The following PDE1C variants were observed in gnomAD, a reference collection of about 807,000 sequenced individuals.
PDE1C encodes the protein dual specificity calcium/calmodulin-dependent 3',5'-cyclic nucleotide phosphodiesterase 1C.
PDE1C carries 62 observed loss-of-function variants against 93.1 expected under a neutral mutation model. The observed-to-expected ratio is 0.67, with a 90% CI of 0.54 to 0.82. The LOEUF is 0.82. Ranked by LOEUF, PDE1C falls within the 40% of genes least tolerant of loss-of-function variation. The pLI is 0.00. For synonymous variants in PDE1C, 325 were observed against 310.1 expected (o/e 1.05, Z -0.50); for missense variants, 742 against 884.6 (o/e 0.84, Z 2.04).
intron 3 of PDE1C, among the ~76,000 whole-genome samples, chr7:32,139,588 T>C (rs759428475): frequency 6.6e-6 from 1 of 151,632 alleles, no homozygotes; most frequent in South Asian, 2.1e-4. Context: ...AATCCAGGGG[T>C]TTTTCCAGGT....
intron 3 of PDE1C, among the ~76,000 whole-genome samples, chr7:32,106,359 T>C (rs759556402): frequency 8.5e-5 from 13 of 152,096 alleles, no homozygotes; most frequent in Admixed American, 2.0e-4. Context: ...ACTAGAGTTC[T>C]AGTGTCCTTC....
chr7:32,127,928 G>C (rs1178688195), intron 3 of PDE1C, among the ~76,000 whole-genome samples: 1 of 151,674 alleles, frequency 6.6e-6, no homozygotes, highest in Non-Finnish European at 1.5e-5. Context: ...AAAAAGAAAA[G>C]GACAGCAATG....
At chr7:32,057,399 G>C (rs1794263933) in intron 1 of PDE1C, among the ~76,000 whole-genome samples, 1 of 152,328 alleles carries the variant, frequency 6.6e-6, no homozygotes, top group African/African-American at 2.4e-5. Context: ...ATGTGTGTGT[G>C]TGCGTGCACT....
At chr7:31,929,053 A>G (rs1010785590) in intron 2 of PDE1C, among the ~76,000 whole-genome samples, 10 of 152,118 alleles carry the variant, frequency 6.6e-5, no homozygotes, top group Non-Finnish European at 1.2e-4. Flanking sequence ...TCATGTGCAA[A>G]GACACATATA....
chr7:31,643,757 G>A, the PDE1C span: 1 of 1,613,868 alleles, frequency 6.2e-7, no homozygotes, highest in Non-Finnish European at 8.5e-7. Context: ...TGCCCAATGG[G>A]CACCTGCCAT....
intron 16 of PDE1C, among the ~76,000 whole-genome samples, chr7:31,797,507 A>T (rs1475394416): frequency 6.6e-6 from 1 of 151,806 alleles, no homozygotes; most frequent in African/African-American, 2.4e-5. Context: ...ATTCATTACT[A>T]AAAACAGTTA....
intron 3 of PDE1C, among the ~76,000 whole-genome samples, chr7:32,088,507 C>A (rs1563302575): frequency 6.6e-6 from 1 of 152,234 alleles, no homozygotes; most frequent in East Asian, 1.9e-4. Context: ...CCAAGGCGGC[C>A]GGAGCCCTGC....
chr7:32,025,868 C>T (rs1789355650), intron 2 of PDE1C, among the ~76,000 whole-genome samples: 1 of 152,102 alleles, frequency 6.6e-6, no homozygotes, highest in Non-Finnish European at 1.5e-5. Context: ...GGAAGAGGAG[C>T]AGAGCACCTA....
In PDE1C at chr7:31,754,654, A is replaced by G. The variant is rs574108929; in HGVS notation, c.1961-1101T>C. Among the ~76,000 whole-genome samples the G allele has an allele frequency of 6.6e-5, 10 of 152,358 alleles. No homozygotes were observed. The South Asian group carries it at 1.9e-3, about 28-fold the overall frequency. The stretch of plus-strand genomic sequence containing the variant: ...AGTCAGTCTGTAAAGGCTGTATAGC[A>G]TATGATTCCACTTATACGACATTCT... On this transcript the variant is annotated intron_variant, in intron 17 of 17. Transcript: ENST00000396191.
At chr7:32,378,186 C>G (rs1322822692) in intron 1 of PDE1C, among the ~76,000 whole-genome samples, 1 of 152,196 alleles carries the variant, frequency 6.6e-6, no homozygotes, top group Non-Finnish European at 1.5e-5. Flanking sequence ...TCTACCTCCT[C>G]CCTTACTCAG....
At chr7:32,384,314 T>A (rs1784587851) in intron 1 of PDE1C, among the ~76,000 whole-genome samples, 1 of 152,196 alleles carries the variant, frequency 6.6e-6, no homozygotes, top group African/African-American at 2.4e-5. Flanking sequence ...CTCAGCAGCT[T>A]ACATCCCAGC....
chr7:31,729,117 C>T, the PDE1C span, among the ~76,000 whole-genome samples: 1 of 152,190 alleles, frequency 6.6e-6, no homozygotes, highest in Non-Finnish European at 1.5e-5. Flanking sequence ...TAGGTTATTA[C>T]GAGGACCAAA....
intron 3 of PDE1C, among the ~76,000 whole-genome samples, chr7:32,126,435 T>A (rs1799585270): frequency 6.6e-6 from 1 of 152,140 alleles, no homozygotes; most frequent in African/African-American, 2.4e-5. Flanking sequence ...TAGCTGTCAC[T>A]CATAAGTATA....
At chr7:31,657,934 T>G in the PDE1C span, among the ~76,000 whole-genome samples, 59 of 152,350 alleles carry the variant, frequency 3.9e-4, 1 homozygote, top group East Asian at 1.2e-3. Flanking sequence ...ACGTGGCCTC[T>G]TCTACATTAA....
the PDE1C span, chr7:31,656,596 G>C: frequency 1.9e-3 from 845 of 450,846 alleles, no homozygotes; most frequent in Non-Finnish European, 2.3e-3. Flanking sequence ...ATGAGATGAG[G>C]ATAAATTATC....
At chr7:31,768,422 G>A (rs962304264) in intron 17 of PDE1C, among the ~76,000 whole-genome samples, 1 of 152,122 alleles carries the variant, frequency 6.6e-6, no homozygotes. Flanking sequence ...AAGGTCTGTG[G>A]GACGGACCGC....
At chr7:31,842,825 A>G (rs1293044812) in intron 9 of PDE1C, among the ~76,000 whole-genome samples, 1 of 151,612 alleles carries the variant, frequency 6.6e-6, no homozygotes, top group African/African-American at 2.4e-5. Context: ...AGCTTCCTGA[A>G]GTCATTGTGT....
upstream of PDE1C, among the ~76,000 whole-genome samples, chr7:32,074,750 A>G (rs889992486): frequency 6.6e-6 from 1 of 152,206 alleles, no homozygotes; most frequent in Non-Finnish European, 1.5e-5. Flanking sequence ...GTTTGCATGA[A>G]AGGTGGGTGG....
chr7:31,799,462 A>G (rs1361458465), intron 16 of PDE1C, among the ~76,000 whole-genome samples: 1 of 151,772 alleles, frequency 6.6e-6, no homozygotes, highest in Admixed American at 6.6e-5. Flanking sequence ...ATCAATTCAA[A>G]TAGAACAAAA....
Sources: gnomAD v4.1 joint callset for allele counts (sites outside exome capture counted in the v4.1 genomes callset) on GRCh38, gnomAD v4.1.1 for gene constraint, MANE v1.5 for transcripts, NCBI Gene and HGNC (gene_info 2026-07-23, HGNC 2026-07-21) for gene names.